SMAD1: variants seen among roughly 807,000 people sequenced by gnomAD.
SMAD1 encodes the protein SMAD family member 1.
In SMAD1, 6 loss-of-function variants were observed where a neutral mutation model predicts 41.6. The ratio of observed to expected loss-of-function variants is 0.14; its 90% CI spans 0.08 to 0.28. The LOEUF is 0.28. Among genes scored for constraint, SMAD1 ranks in the 10% least tolerant of loss-of-function variants. The pLI, the probability that SMAD1 is intolerant of heterozygous loss-of-function variation, is 1.00. For synonymous variants in SMAD1, 206 were observed against 203.2 expected (o/e 1.01, Z -0.12); for missense variants, 379 against 582.6 (o/e 0.65, Z 3.60).
chr4:145,519,473 G>A (rs181971757), intron 2 of SMAD1, among the ~76,000 whole-genome samples: 118 of 150,644 alleles, frequency 7.8e-4, no homozygotes, highest in Non-Finnish European at 1.2e-3. Context: ...AAGCAACATA[G>A]CAAGACCCCG....
intron 2 of SMAD1, among the ~76,000 whole-genome samples, chr4:145,530,773 A>T (rs577052678): frequency 2.2e-4 from 34 of 152,328 alleles, no homozygotes; most frequent in African/African-American, 7.9e-4. Context: ...AAAAGAATTT[A>T]AAAAACAACT....
chr4:145,547,882 C>T (rs1248074046), intron 5 of SMAD1, among the ~76,000 whole-genome samples: 4 of 141,754 alleles, frequency 2.8e-5, no homozygotes, highest in Admixed American at 6.9e-5. Context: ...TTTTTACTTG[C>T]GTATAGTTTC....
chr4:145,536,858 C>A (rs1731642636), intron 2 of SMAD1, among the ~76,000 whole-genome samples: 1 of 151,906 alleles, frequency 6.6e-6, no homozygotes, highest in South Asian at 2.1e-4. Flanking sequence ...AGGATTAAAC[C>A]TCAAACAGGC....
At chr4:145,511,527 A>G (rs1730077537) in intron 1 of SMAD1, among the ~76,000 whole-genome samples, 1 of 152,210 alleles carries the variant, frequency 6.6e-6, no homozygotes, top group Non-Finnish European at 1.5e-5. Context: ...TTGGCTTCCC[A>G]GAGTGCTGGG....
chr4:145,530,536 G>C (rs1656694092), intron 2 of SMAD1, among the ~76,000 whole-genome samples: 1 of 152,052 alleles, frequency 6.6e-6, no homozygotes, highest in Admixed American at 6.6e-5. Context: ...GTTAGATTTA[G>C]GTGATTTTTA....
At chr4:145,501,876 T>G (rs145940456) in intron 1 of SMAD1, among the ~76,000 whole-genome samples, 2 of 152,252 alleles carry the variant, frequency 1.3e-5, no homozygotes, top group African/African-American at 4.8e-5. Context: ...ATTTCTACCT[T>G]GAAGCATTGG....
At chr4:145,557,089 A>G (rs1446751009) in intron 6 of SMAD1, among the ~76,000 whole-genome samples, 1 of 152,226 alleles carries the variant, frequency 6.6e-6, no homozygotes, top group African/African-American at 2.4e-5. Flanking sequence ...TCAGAACTTC[A>G]CATTCATTGT....
At chr4:145,536,054 A>T (rs1272579475) in intron 2 of SMAD1, among the ~76,000 whole-genome samples, 1 of 152,116 alleles carries the variant, frequency 6.6e-6, no homozygotes, top group East Asian at 1.9e-4. Flanking sequence ...ATAATTTCTG[A>T]AATTTTTTCA....
At chr4:145,532,317 A>G (rs1731361245) in intron 2 of SMAD1, among the ~76,000 whole-genome samples, 2 of 152,220 alleles carry the variant, frequency 1.3e-5, no homozygotes, top group Non-Finnish European at 2.9e-5. Flanking sequence ...TTTTCTCCTG[A>G]GAGAAAAGGA....
In SMAD1 at chr4:145,539,570, AT is replaced by A. The variant is rs376811559; in HGVS notation, c.401-233del. ...CCAACTTTCCTTGGGCAATTTGTGA[AT>A]ACTGCAAATCTCAGGCATATGTCAT... On this transcript the variant is annotated intron_variant, in intron 2 of 6. Transcript: ENST00000302085. Among the ~76,000 whole-genome samples the A allele has an allele frequency of 6.2e-3, 942 of 152,312 alleles. 5 individuals carry two copies. Among genetic ancestry groups the A allele is most frequent in the Non-Finnish European group, 7.7e-3 (524 of 68,034 alleles).
At position 145,539,787 on chromosome 4, in the gene SMAD1, T is replaced by TC. The variant is rs547960644; in HGVS notation, c.401-14dup. 184 of 1,609,830 alleles carry TC rather than the reference T, an allele frequency of 1.1e-4. No individual in the cohort carries two copies. The African/African-American group carries it at 1.6e-3, about 14-fold the overall frequency. On this transcript the variant is annotated splice_polypyrimidine_tract_variant and intron_variant, in intron 2 of 6. Transcript: ENST00000302085. ...TTCTCATGTTTGTCCTTCTCTTTTT[T>TC]CCCTTCCTTTTTCTAGTACTTCCTC...
intron 2 of SMAD1, among the ~76,000 whole-genome samples, chr4:145,539,111 C>A (rs1731781101): frequency 6.6e-6 from 1 of 152,154 alleles, no homozygotes. Context: ...TGAACTAATT[C>A]TTCCTTGACC....
chr4:145,481,208 C>CAAGGTT (rs986242456), upstream of SMAD1: 4 of 152,094 alleles, frequency 2.6e-5, no homozygotes, highest in African/African-American at 9.7e-5. Context: ...TTTGGAGCAA[C>CAAGGTT]AAGGTTACCT....
chr4:145,529,956 C>T (rs982186489), intron 2 of SMAD1, among the ~76,000 whole-genome samples: 3 of 152,154 alleles, frequency 2.0e-5, no homozygotes, highest in Admixed American at 6.5e-5. Flanking sequence ...TGCAAAGAGT[C>T]TGAGGGCTGA....
chr4:145,529,334 T>C (rs1731201859), intron 2 of SMAD1, among the ~76,000 whole-genome samples: 2 of 152,092 alleles, frequency 1.3e-5, no homozygotes, highest in South Asian at 4.1e-4. Flanking sequence ...GTAAAGCAGA[T>C]AAATACTTGG....
chr4:145,557,632 G>A (rs922829381), intron 6 of SMAD1, among the ~76,000 whole-genome samples, 159 bp from the exon 7 acceptor site: 14 of 152,070 alleles, frequency 9.2e-5, no homozygotes, highest in Non-Finnish European at 1.6e-4. Context: ...TTATGCGTGC[G>A]TTTGTGCATG....
At chr4:145,532,644 G>T (rs1731379466) in intron 2 of SMAD1, among the ~76,000 whole-genome samples, 2 of 152,150 alleles carry the variant, frequency 1.3e-5, no homozygotes, top group Admixed American at 6.5e-5. Flanking sequence ...CCTTAAAGAG[G>T]GAAGTCCCAC....
intron 5 of SMAD1, among the ~76,000 whole-genome samples, chr4:145,547,986 C>T (rs2126537806): frequency 6.6e-6 from 1 of 152,214 alleles, no homozygotes; most frequent in Non-Finnish European, 1.5e-5. Flanking sequence ...CCATGTCCCA[C>T]TAAAAGGAAC....
chr4:145,542,570 A>G lies in SMAD1; in HGVS notation c.659-12A>G. On this transcript the variant is annotated splice_polypyrimidine_tract_variant and intron_variant, in intron 3 of 6. Coordinates refer to ENST00000302085, the MANE Select transcript of SMAD1 (RefSeq NM_005900.3). ...TAAGGGTTAAGAAATAACTTCTTTA[A>G]AAACTTTGTAGCTGATACGCCCCCA... 1 of 1,561,112 alleles carries G rather than the reference A, an allele frequency of 6.4e-7. No homozygotes were observed. Among genetic ancestry groups the G allele is most frequent in the Non-Finnish European group, 8.8e-7 (1 of 1,142,316 alleles).
Sources: allele counts gnomAD v4.1 joint callset (sites outside exome capture counted in the v4.1 genomes callset), GRCh38; gene constraint gnomAD v4.1.1; transcripts MANE v1.5; gene names NCBI Gene and HGNC (gene_info 2026-07-23, HGNC 2026-07-21).